Variants in ABCB11 observed in about 807,000 individuals in gnomAD.
ABCB11 encodes ATP binding cassette subfamily B member 11.
ABCB11 carries 95 observed loss-of-function variants against 148.0 expected under a neutral mutation model. The observed-to-expected ratio is 0.64, with a 90% CI of 0.54 to 0.76. ABCB11 has a LOEUF of 0.76. ABCB11 is among the 30% of genes least tolerant of loss of function. ABCB11 has a pLI of 0.00. For missense variants in ABCB11, 1,523 were observed against 1,617.8 expected (o/e 0.94, Z 1.01); for synonymous variants, 591 against 555.4 (o/e 1.06, Z -0.90).
At chr2:169,021,915 T>C (rs1695552909) in intron 1 of ABCB11, among the ~76,000 whole-genome samples, 1 of 152,008 alleles carries the variant, frequency 6.6e-6, no homozygotes, top group Non-Finnish European at 1.5e-5. Flanking sequence ...TCTATATTGT[T>C]GTTATTCTTA....
At chr2:168,918,821 A>G (rs184112215), downstream of ABCB11, among the ~76,000 whole-genome samples, 19 of 151,908 alleles carry the variant, frequency 1.3e-4, no homozygotes, top group African/African-American at 4.6e-4. Context: ...CTATTTCTGG[A>G]CTCCCTTCTG....
intron 10 of ABCB11, among the ~76,000 whole-genome samples, chr2:168,980,496 T>C (rs1338166487): frequency 1.3e-5 from 2 of 152,202 alleles, no homozygotes; most frequent in Non-Finnish European, 2.9e-5. Context: ...GCAACTACTA[T>C]GAATAACAGT....
At chr2:169,019,282 G>C (rs1171392628) in intron 1 of ABCB11, among the ~76,000 whole-genome samples, 1 of 152,180 alleles carries the variant, frequency 6.6e-6, no homozygotes, top group Non-Finnish European at 1.5e-5. Context: ...CAGAAGCAGA[G>C]AGTGGAGAAT....
intron 5 of ABCB11, among the ~76,000 whole-genome samples, chr2:168,997,851 T>C (rs17268587): frequency 6.6e-6 from 1 of 152,030 alleles, no homozygotes; most frequent in Non-Finnish European, 1.5e-5. Flanking sequence ...TGCAAGCTAC[T>C]CAAGGTCAAG....
intron 1 of ABCB11, among the ~76,000 whole-genome samples, chr2:169,029,255 TAC>T (rs1026756323): frequency 2.1e-5 from 3 of 142,840 alleles, no homozygotes; most frequent in Non-Finnish European, 3.0e-5. Flanking sequence ...CTTTCTAAAC[TAC>T]AGTTTTCTTT....
intron 9 of ABCB11, among the ~76,000 whole-genome samples, chr2:168,986,720 C>T (rs1205210456): frequency 6.6e-6 from 1 of 152,084 alleles, no homozygotes; most frequent in East Asian, 1.9e-4. Flanking sequence ...CTAGTGTTTG[C>T]ACCAACTCAT....
intron 11 of ABCB11, 46 bp downstream of exon 11, chr2:168,979,820 C>G (rs752713783): frequency 8.2e-7 from 1 of 1,223,798 alleles, no homozygotes; most frequent in Admixed American, 2.0e-5. Flanking sequence ...TGCCCCACCC[C>G]CCAGCCCCCA....
At chr2:168,987,318 ATAAAT>A (rs141320929) in intron 9 of ABCB11, among the ~76,000 whole-genome samples, 7,626 of 152,230 alleles carry the variant, frequency 0.05, 629 homozygotes, top group African/African-American at 0.17. Flanking sequence ...TAAATACCAG[ATAAAT>A]TAAAGAATAA....
At chr2:168,978,107 A>C (rs1378424167) in intron 11 of ABCB11, among the ~76,000 whole-genome samples, 1 of 151,320 alleles carries the variant, frequency 6.6e-6, no homozygotes, top group East Asian at 1.9e-4. Flanking sequence ...AATCTTAAGA[A>C]AGAGGTAGAA....
chr2:168,980,968 C>A (rs1694115257), intron 10 of ABCB11, among the ~76,000 whole-genome samples: 1 of 152,184 alleles, frequency 6.6e-6, no homozygotes, highest in South Asian at 2.1e-4. Flanking sequence ...TGGTCCTACT[C>A]TTGTGACTCG....
At chr2:168,964,015 A>T (rs943307843) in intron 18 of ABCB11, among the ~76,000 whole-genome samples, 191 bp downstream of exon 18, 7 of 151,822 alleles carry the variant, frequency 4.6e-5, no homozygotes, top group African/African-American at 1.4e-4. Flanking sequence ...ATAATCAATT[A>T]ACTAATCTGC....
At chr2:168,971,215 GT>G (rs1363284679) in intron 14 of ABCB11, among the ~76,000 whole-genome samples, 1 of 152,046 alleles carries the variant, frequency 6.6e-6, no homozygotes, top group Non-Finnish European at 1.5e-5. Flanking sequence ...CAGGGTTGTT[GT>G]GAGGGTTTAA....
chr2:168,979,166 C>T (rs1184483150), intron 11 of ABCB11, among the ~76,000 whole-genome samples: 3 of 152,128 alleles, frequency 2.0e-5, no homozygotes, highest in Non-Finnish European at 4.4e-5. Context: ...CCCATGCCTC[C>T]AGCCTCTGCC....
intron 16 of ABCB11, among the ~76,000 whole-genome samples, chr2:168,968,790 C>CAAAAA (rs4148788): frequency 0.011 from 1,573 of 148,318 alleles, 25 homozygotes; most frequent in African/African-American, 0.037. Context: ...TCAGAAGTAG[C>CAAAAA]AAAAAAAAAA....
At chr2:168,927,003 TG>T (rs1691342257) in intron 26 of ABCB11, among the ~76,000 whole-genome samples, 152 bp downstream of exon 26, 2 of 152,236 alleles carry the variant, frequency 1.3e-5, no homozygotes, top group Admixed American at 6.5e-5. Context: ...ATTTTCCACC[TG>T]TGGAATCATG....
chr2:168,977,586 A>G (rs748213262), intron 11 of ABCB11, among the ~76,000 whole-genome samples: 4 of 152,194 alleles, frequency 2.6e-5, no homozygotes, highest in Non-Finnish European at 5.9e-5. Flanking sequence ...CTAGTGATGG[A>G]AATTCATCAC....
intron 18 of ABCB11, among the ~76,000 whole-genome samples, chr2:168,961,145 A>G (rs1574435677): frequency 2.6e-5 from 4 of 151,886 alleles, no homozygotes; most frequent in African/African-American, 9.6e-5. Flanking sequence ...GCATACATGC[A>G]ACAAGAGATT....
Position 168,921,148 on chromosome 2 carries a change from C to T in ABCB11, c.*2474G>A, listed in dbSNP as rs142631554. Among the ~76,000 whole-genome samples, 2 of 152,318 alleles carry T rather than the reference C, an allele frequency of 1.3e-5. No homozygotes were observed. Among genetic ancestry groups the T allele is most frequent in the African/African-American group, 2.4e-5 (1 of 41,570 alleles). On this transcript the variant is annotated 3_prime_UTR_variant, in exon 28 of 28. Transcript: ENST00000650372. ...TTACTCTGCAACTTACTCGTCATTG[C>T]CATTTTTCATAACCAGAATGCATTC...
At chr2:168,957,850 G>T in intron 19 of ABCB11, 114 bp downstream of exon 19, 1 of 1,067,594 alleles carries the variant, frequency 9.4e-7, no homozygotes, top group South Asian at 3.1e-5. Context: ...CTTTAGAGAT[G>T]AGAAAAATGA....
Sources: gnomAD v4.1 joint callset for allele counts (sites outside exome capture counted in the v4.1 genomes callset) on GRCh38, gnomAD v4.1.1 for gene constraint, MANE v1.5 for transcripts, NCBI Gene and HGNC (gene_info 2026-07-23, HGNC 2026-07-21) for gene names.